Variants in LHFPL3 observed in about 807,000 individuals in gnomAD.
The protein encoded by LHFPL3 is LHFPL tetraspan subfamily member 3.
Under a neutral mutation model 19.3 loss-of-function variants are expected in LHFPL3, and 5 were observed. That is an observed-to-expected ratio of 0.26 (90% confidence interval 0.14 to 0.54). The LOEUF is 0.54. Among genes scored for constraint, LHFPL3 ranks in the 20% least tolerant of loss-of-function variants. The pLI, the probability that LHFPL3 is intolerant of heterozygous loss-of-function variation, is 0.94. For synonymous variants in LHFPL3, 133 were observed against 126.2 expected (o/e 1.05, Z -0.36); for missense variants, 249 against 307.4 (o/e 0.81, Z 1.42).
intron 2 of LHFPL3, among the ~76,000 whole-genome samples, chr7:104,791,585 GA>G (rs987219376): frequency 6.6e-6 from 1 of 152,102 alleles, no homozygotes; most frequent in African/African-American, 2.4e-5. Context: ...TCTGTATCTA[GA>G]AAAACAATGT....
chr7:104,551,503 G>T (rs1192964977), intron 1 of LHFPL3, among the ~76,000 whole-genome samples: 3 of 152,012 alleles, frequency 2.0e-5, no homozygotes, highest in Non-Finnish European at 2.9e-5. Flanking sequence ...TCCCTTGGCT[G>T]CCTCTGCTTC....
chr7:104,665,829 C>CA (rs1437355843), intron 1 of LHFPL3, among the ~76,000 whole-genome samples: 1 of 152,186 alleles, frequency 6.6e-6, no homozygotes, highest in Non-Finnish European at 1.5e-5. Context: ...GGTGTCTTTA[C>CA]AATCTCCTAA....
intron 2 of LHFPL3, among the ~76,000 whole-genome samples, chr7:104,827,321 T>C (rs71562617): frequency 0.2 from 30,183 of 151,992 alleles, 3,296 homozygotes; most frequent in East Asian, 0.31. Flanking sequence ...GTGAGATTAA[T>C]TTAACTGCAA....
intron 1 of LHFPL3, among the ~76,000 whole-genome samples, chr7:104,561,969 T>C (rs1303884868): frequency 1.3e-5 from 2 of 152,124 alleles, no homozygotes; most frequent in Admixed American, 6.5e-5. Flanking sequence ...TATGAAATTC[T>C]GGGTTGAAAA....
chr7:104,604,679 G>A (rs1791056808), intron 1 of LHFPL3, among the ~76,000 whole-genome samples: 1 of 152,086 alleles, frequency 6.6e-6, no homozygotes, highest in Non-Finnish European at 1.5e-5. Context: ...ACCCAAGTTG[G>A]CAGGAACTCT....
chr7:104,359,882 G>A (rs1790358265), intron 1 of LHFPL3, among the ~76,000 whole-genome samples: 1 of 152,238 alleles, frequency 6.6e-6, no homozygotes. Context: ...TTGTATGTTG[G>A]ATGTATAAGA....
chr7:104,532,338 T>TC (rs1794315716), intron 1 of LHFPL3, among the ~76,000 whole-genome samples: 1 of 148,322 alleles, frequency 6.7e-6, no homozygotes, highest in Non-Finnish European at 1.5e-5. Context: ...TTTTTTTTTT[T>TC]TTGGTTAAAG....
intron 1 of LHFPL3, among the ~76,000 whole-genome samples, chr7:104,518,047 C>A (rs1460742343): frequency 6.6e-6 from 1 of 152,084 alleles, no homozygotes; most frequent in Non-Finnish European, 1.5e-5. Flanking sequence ...CAAATTGATG[C>A]TGATCCCAAT....
chr7:104,690,894 C>T (rs1042302057), intron 1 of LHFPL3, among the ~76,000 whole-genome samples: 39 of 152,288 alleles, frequency 2.6e-4, no homozygotes, highest in African/African-American at 9.1e-4. Context: ...GCCACTTGGG[C>T]CATATGACCC....
chr7:104,754,327 A>G (rs1372908105), intron 2 of LHFPL3, among the ~76,000 whole-genome samples: 1 of 152,272 alleles, frequency 6.6e-6, no homozygotes, highest in Non-Finnish European at 1.5e-5. Context: ...AAATATTCAC[A>G]TAAAAATATA....
At chr7:104,744,138 T>C (rs529836712) in intron 2 of LHFPL3, 21 of 152,082 alleles carry the variant, frequency 1.4e-4, no homozygotes, top group Non-Finnish European at 1.5e-5. Flanking sequence ...TAATCAATTC[T>C]TATAGATGCT....
At chr7:104,583,377 A>G (rs1024038716) in intron 1 of LHFPL3, among the ~76,000 whole-genome samples, 4 of 152,194 alleles carry the variant, frequency 2.6e-5, no homozygotes, top group Non-Finnish European at 4.4e-5. Flanking sequence ...AACCTAGGCA[A>G]TACCATTCAG....
At chr7:104,536,836 A>C (rs916950809) in intron 1 of LHFPL3, among the ~76,000 whole-genome samples, 3 of 152,214 alleles carry the variant, frequency 2.0e-5, no homozygotes, top group Non-Finnish European at 2.9e-5. Flanking sequence ...ATACATTTAC[A>C]ATAGAACATG....
intron 1 of LHFPL3, among the ~76,000 whole-genome samples, chr7:104,373,242 G>A (rs150853192): frequency 4.8e-4 from 73 of 152,114 alleles, no homozygotes; most frequent in African/African-American, 1.7e-3. Context: ...TTTTCAAGAC[G>A]AGGTGCCTGA....
chr7:104,349,755 T>G (rs1356527196), intron 1 of LHFPL3, among the ~76,000 whole-genome samples: 3 of 152,188 alleles, frequency 2.0e-5, no homozygotes, highest in Admixed American at 1.3e-4. Flanking sequence ...CAACTAAAAT[T>G]TCTAACTTTT....
At chr7:104,660,260 C>A (rs1033602082) in intron 1 of LHFPL3, among the ~76,000 whole-genome samples, 1 of 152,224 alleles carries the variant, frequency 6.6e-6, no homozygotes, top group South Asian at 2.1e-4. Context: ...CTTTGCCTCC[C>A]AAAGTGCTGG....
chr7:104,666,480 A>G (rs1227262476), intron 1 of LHFPL3, among the ~76,000 whole-genome samples: 2 of 135,788 alleles, frequency 1.5e-5, no homozygotes, highest in Non-Finnish European at 3.2e-5. Context: ...CTTCAGTTCC[A>G]TTGACGTTGC....
intron 1 of LHFPL3, among the ~76,000 whole-genome samples, chr7:104,510,920 G>GA (rs1477531799): frequency 6.6e-6 from 1 of 152,110 alleles, no homozygotes; most frequent in African/African-American, 2.4e-5. Flanking sequence ...GTGGGAGGAG[G>GA]AAGAGGATCA....
intron 1 of LHFPL3, among the ~76,000 whole-genome samples, chr7:104,336,525 A>T (rs1789813134): frequency 6.6e-6 from 1 of 151,818 alleles, no homozygotes; most frequent in African/African-American, 2.4e-5. Context: ...AAGAAAAATA[A>T]GGGGCTTGCA....
Sources: allele counts gnomAD v4.1 joint callset (sites outside exome capture counted in the v4.1 genomes callset), GRCh38; gene constraint gnomAD v4.1.1; transcripts MANE v1.5; gene names NCBI Gene and HGNC (gene_info 2026-07-23, HGNC 2026-07-21).